The following PLCB1 variants were observed in gnomAD, a reference collection of about 807,000 sequenced individuals.
PLCB1 encodes phospholipase C beta 1, also known as 1-phosphatidylinositol 4,5-bisphosphate phosphodiesterase beta-1.
In PLCB1, 46 loss-of-function variants were observed where a neutral mutation model predicts 161.8. The observed-to-expected ratio is 0.28, with a 90% CI of 0.22 to 0.36. The LOEUF is 0.36. Ranked by LOEUF, PLCB1 falls within the 10% of genes least tolerant of loss-of-function variation. PLCB1 has a pLI of 1.00. For synonymous variants in PLCB1, 517 were observed against 503.7 expected (o/e 1.03, Z -0.35); for missense variants, 1,016 against 1,472.5 (o/e 0.69, Z 5.07).
intron 3 of PLCB1, among the ~76,000 whole-genome samples, chr20:8,544,760 T>G (rs1391070958): frequency 2.6e-5 from 4 of 152,250 alleles, no homozygotes; most frequent in Non-Finnish European, 5.9e-5. Context: ...CTATTACATA[T>G]GCTGAAGTTT....
chr20:8,520,956 A>G (rs1191351784), intron 3 of PLCB1, among the ~76,000 whole-genome samples: 3 of 152,186 alleles, frequency 2.0e-5, no homozygotes, highest in Non-Finnish European at 4.4e-5. Context: ...GGCAGGGACT[A>G]TGTTGTTAGC....
intron 2 of PLCB1, among the ~76,000 whole-genome samples, chr20:8,173,601 A>T (rs1004275134): frequency 8.5e-5 from 13 of 152,242 alleles, no homozygotes; most frequent in African/African-American, 3.1e-4. Flanking sequence ...TACAACTGAA[A>T]GTTGCTCATC....
intron 3 of PLCB1, among the ~76,000 whole-genome samples, chr20:8,572,683 A>G (rs1385219540): frequency 1.3e-5 from 2 of 152,178 alleles, no homozygotes; most frequent in East Asian, 3.9e-4. Flanking sequence ...TGCATTCTCC[A>G]TTGTTCGATC....
intron 11 of PLCB1, among the ~76,000 whole-genome samples, chr20:8,699,562 C>T (rs1990654413): frequency 6.6e-6 from 1 of 152,024 alleles, no homozygotes; most frequent in Admixed American, 6.6e-5. Context: ...GATCCCAAAC[C>T]CCAGCTTCTT....
intron 31 of PLCB1, among the ~76,000 whole-genome samples, chr20:8,846,655 T>C (rs1489847585): frequency 6.6e-6 from 1 of 152,132 alleles, no homozygotes; most frequent in Admixed American, 6.5e-5. Flanking sequence ...CACCAAATCA[T>C]GACAGAAGCT....
chr20:8,378,595 A>G (rs1392139373), intron 3 of PLCB1, among the ~76,000 whole-genome samples: 2 of 152,254 alleles, frequency 1.3e-5, no homozygotes, highest in Non-Finnish European at 2.9e-5. Flanking sequence ...GCTGCTGGCC[A>G]TTCAGGGTAG....
rs1359577373 is a variant in PLCB1, at chr20:8,471,913, G to A, written c.246+100463G>A. Among the ~76,000 whole-genome samples the A allele has an allele frequency of 2.0e-5, 3 of 152,026 alleles. No individual in the cohort carries two copies. In the East Asian group the frequency reaches 5.8e-4, roughly 29 times the overall value. On this transcript the variant is annotated intron_variant, in intron 3 of 31. Transcript: ENST00000338037. The stretch of plus-strand genomic sequence containing the variant: ...ATCTCATATTTCCTCATAAATTTAG[G>A]GAGAATGCAGCTATTTCTAAAAATA...
At chr20:8,344,483 G>A (rs973466056) in intron 2 of PLCB1, among the ~76,000 whole-genome samples, 1 of 152,196 alleles carries the variant, frequency 6.6e-6, no homozygotes, top group African/African-American at 2.4e-5. Flanking sequence ...CTTTATCCAT[G>A]TACATCCACA....
intron 3 of PLCB1, among the ~76,000 whole-genome samples, chr20:8,461,428 C>T (rs1334371128): frequency 6.6e-6 from 1 of 152,140 alleles, no homozygotes; most frequent in African/African-American, 2.4e-5. Context: ...CATCAATTTC[C>T]TCATCTCAAA....
intron 2 of PLCB1, among the ~76,000 whole-genome samples, chr20:8,303,801 G>A (rs572026621): frequency 2.4e-4 from 36 of 152,248 alleles, no homozygotes; most frequent in Middle Eastern, 3.4e-3. Context: ...GTGCCTCATC[G>A]AGTCCCAAAT....
At chr20:8,651,689 T>TG (rs1989326856) in intron 7 of PLCB1, 1 of 509,068 alleles carries the variant, frequency 2.0e-6, no homozygotes, top group Non-Finnish European at 3.5e-6. Context: ...TAGAGTCTTC[T>TG]GGGGAAACTA....
At chr20:8,825,538 G>A (rs1371559328) in intron 31 of PLCB1, among the ~76,000 whole-genome samples, 1 of 152,198 alleles carries the variant, frequency 6.6e-6, no homozygotes. Flanking sequence ...GAACTGAAGA[G>A]TCATGGTAGA....
intron 2 of PLCB1, chr20:8,305,730 C>G (rs1309651746): frequency 6.6e-6 from 1 of 152,126 alleles, no homozygotes; most frequent in East Asian, 1.9e-4. Context: ...TTCCCTGAAC[C>G]CCTATAAACC....
At chr20:8,587,160 C>A (rs1157784292) in intron 3 of PLCB1, among the ~76,000 whole-genome samples, 1 of 141,446 alleles carries the variant, frequency 7.1e-6, no homozygotes, top group Non-Finnish European at 1.5e-5. Context: ...AAAACTAACG[C>A]CAGCACTATC....
intron 3 of PLCB1, among the ~76,000 whole-genome samples, chr20:8,520,052 G>T (rs1424292349): frequency 6.6e-6 from 1 of 152,068 alleles, no homozygotes; most frequent in Non-Finnish European, 1.5e-5. Flanking sequence ...AACCTGGCAG[G>T]CCCAGAAAAA....
chr20:8,327,426 A>G (rs1985201771), intron 2 of PLCB1, among the ~76,000 whole-genome samples: 1 of 152,228 alleles, frequency 6.6e-6, no homozygotes, highest in Non-Finnish European at 1.5e-5. Flanking sequence ...ACAGATGTTC[A>G]CATTCTATTT....
At chr20:8,840,949 T>C (rs1986480448) in intron 31 of PLCB1, among the ~76,000 whole-genome samples, 1 of 152,132 alleles carries the variant, frequency 6.6e-6, no homozygotes, top group South Asian at 2.1e-4. Flanking sequence ...CCGGAGTAGC[T>C]GGGATTACAG....
intron 3 of PLCB1, among the ~76,000 whole-genome samples, chr20:8,531,943 A>T (rs999546352): frequency 4.0e-5 from 6 of 151,712 alleles, no homozygotes; most frequent in Non-Finnish European, 8.8e-5. Flanking sequence ...TAGAAATGGA[A>T]ATTTATGTAT....
At chr20:8,550,397 G>A (rs754083671) in intron 3 of PLCB1, among the ~76,000 whole-genome samples, 12 of 152,014 alleles carry the variant, frequency 7.9e-5, no homozygotes, top group Non-Finnish European at 1.5e-4. Flanking sequence ...GGCTTCCCCC[G>A]TGTTGTTCTC....
Sources: allele counts gnomAD v4.1 joint callset (sites outside exome capture counted in the v4.1 genomes callset), GRCh38; gene constraint gnomAD v4.1.1; transcripts MANE v1.5; gene names NCBI Gene and HGNC (gene_info 2026-07-23, HGNC 2026-07-21).